The following TOM1 variants were observed in gnomAD, a reference collection of about 807,000 sequenced individuals.
TOM1 encodes target of myb1 membrane trafficking protein.
In TOM1, 38 loss-of-function variants were observed where a neutral mutation model predicts 61.3. The ratio of observed to expected loss-of-function variants is 0.62; its 90% confidence interval spans 0.48 to 0.81. The LOEUF (loss-of-function observed/expected upper bound fraction) is 0.81, where lower values mean the gene tolerates loss of function less well. Among genes scored for constraint, TOM1 ranks in the 40% least tolerant of loss-of-function variants. The pLI is 0.00. For synonymous variants in TOM1, 270 were observed against 268.8 expected (o/e 1.00, Z -0.04); for missense variants, 591 against 659.6 (o/e 0.90, Z 1.14).
chr22:35,299,820 C>A, upstream of TOM1: 1 of 1,319,406 alleles, frequency 7.6e-7, no homozygotes, highest in South Asian at 1.3e-5. Context: ...GTGCCACCGC[C>A]CCGCCCACGC....
intron 9 of TOM1, 102 bp from the exon 10 acceptor site, chr22:35,333,302 G>A: frequency 8.9e-7 from 1 of 1,122,218 alleles, no homozygotes; most frequent in South Asian, 1.3e-5. Flanking sequence ...TGGGGCCCTG[G>A]TGACAGATCC....
rs550204689 is a variant in TOM1, at chr22:35,313,603, C to T, written c.53-4274C>T. On this transcript the variant is annotated intron_variant, in intron 1 of 14. Transcript: ENST00000449058. ...AAACAGAGACTCAGAGGGGCTGGAT[C>T]TTTGCCCACATTCTATGAGTTAGGT... 1.5e-4 allele frequency among the ~76,000 whole-genome samples: 23 copies of T among 152,354 alleles called. No homozygotes were observed. The East Asian group carries it at 4.2e-3, about 28-fold the overall frequency.
intron 1 of TOM1, among the ~76,000 whole-genome samples, chr22:35,306,492 TATTAGTA>T (rs1187056454): frequency 5.3e-5 from 8 of 152,144 alleles, no homozygotes; most frequent in African/African-American, 1.7e-4. Flanking sequence ...GCTGTACACA[TATTAGTA>T]GAGCCCAGGG....
At position 35,323,743 on chromosome 22, in the gene TOM1, A is replaced by G; in HGVS notation, c.502-25A>G. The G allele has an allele frequency of 6.2e-7, 1 of 1,600,346 alleles. No homozygotes were observed. Among genetic ancestry groups the G allele is most frequent in the African/African-American group, 1.3e-5 (1 of 74,796 alleles). On this transcript the variant is annotated intron_variant, in intron 5 of 14. Coordinates refer to ENST00000449058, the MANE Select transcript of TOM1 (RefSeq NM_005488.3). The surrounding 1 kb of genome is among the most constrained non-coding windows in gnomAD (Gnocchi z 4.2). ...GCTCTTGATGTTCCCAGGAGCCCTC[A>G]CTGATCCTGTTTTCCTCCCACTAGA...
rs755837687 is a variant in TOM1 at position 35,323,249 on chromosome 22, G to A, written c.366+72G>A. The A allele has an allele frequency of 5.1e-6, 8 of 1,565,866 alleles. No individual in the cohort carries two copies. Among genetic ancestry groups the A allele is most frequent in the Non-Finnish European group, 6.9e-6 (8 of 1,158,614 alleles). On this transcript the variant is annotated intron_variant, in intron 4 of 14. Transcript: ENST00000449058. This position sits in a 1 kb window ranked among gnomAD's most constrained non-coding sequence, Gnocchi z 4.2. ...GCAGGAGCTTCCTGCCCAGTGGAGA[G>A]TCGAGGCCATCGTGTTTGTCCCAGG... is the stretch of plus-strand genomic sequence containing the variant.
At chr22:35,346,812 G>A (rs1454130239) in intron 13 of TOM1, 118 bp from the exon 14 acceptor site, 1 of 980,778 alleles carries the variant, frequency 1.0e-6, no homozygotes, top group South Asian at 1.5e-5. Context: ...GGCGTGCAGA[G>A]CCTGAGCTGG....
chr22:35,345,071 C>A (rs1047720810), intron 12 of TOM1: 8 of 153,776 alleles, frequency 5.2e-5, no homozygotes, highest in African/African-American at 1.9e-4. Flanking sequence ...AACTCCTGCC[C>A]CTGTGTGGGA....
In TOM1 at chr22:35,333,479, T is replaced by A. The variant is rs1929013221; in HGVS notation, c.1009T>A (p.Ser337Thr). Residue 337 changes from serine to threonine, a missense_variant, in exon 10 of 15, where the codon TCC becomes ACC. Physicochemically the swap from Ser to Thr is moderately conservative, Grantham distance 58. Coordinates refer to ENST00000449058, the MANE Select transcript of TOM1 (RefSeq NM_005488.3). ...CCCAGCAGCCACCGGCAACCTCTCA[T>A]CCCAGCTGGCAGGAATGAGTAAGTG... ...PDPAATGNLS[S>T]QLAGMNLGSS... is the part of the protein sequence containing the mutation. 1 of 1,614,000 alleles carries A rather than the reference T, an allele frequency of 6.2e-7. No homozygotes were observed. Among genetic ancestry groups the A allele is most frequent in the South Asian group, 1.1e-5 (1 of 91,082 alleles).
chr22:35,309,370 G>C (rs573205595), intron 1 of TOM1, among the ~76,000 whole-genome samples: 6 of 152,154 alleles, frequency 3.9e-5, no homozygotes. Context: ...GAGGCCAGGC[G>C]CAGTGGCTCA....
rs755480828 is a variant in TOM1 at position 35,323,100 on chromosome 22, A to T, written c.289A>T (p.Ser97Cys). The part of the protein sequence containing the change: ...VLVASQDFVE[S>C]VLVRTILPKN... ...GGTGGCCAGCCAGGACTTCGTGGAGAGTGTGCTGGTGAGGACCATCCTGCC... is the reference window on the plus strand; with the variant it reads ...GGTGGCCAGCCAGGACTTCGTGGAGTGTGTGCTGGTGAGGACCATCCTGCC... Residue 97 changes from serine to cysteine, a missense_variant, in exon 4 of 15, where the codon AGT (serine) becomes TGT (cysteine). Coordinates refer to ENST00000449058, the MANE Select transcript of TOM1 (RefSeq NM_005488.3). This position sits in a 1 kb window ranked among gnomAD's most constrained non-coding sequence, Gnocchi z 4.2. The T allele has an allele frequency of 1.9e-6, 3 of 1,614,116 alleles. No homozygotes were observed. The highest frequency in any genetic ancestry group is 2.5e-6 in the Non-Finnish European group (3 of 1,180,022).
chr22:35,322,484 A>C (rs1295551843), intron 3 of TOM1: 1 of 190,050 alleles, frequency 5.3e-6, no homozygotes, highest in Non-Finnish European at 1.1e-5. Flanking sequence ...GGGCGGCCAG[A>C]CACACGTGGG....
At chr22:35,339,668 G>A (rs992859876) in intron 12 of TOM1, among the ~76,000 whole-genome samples, 1 of 152,124 alleles carries the variant, frequency 6.6e-6, no homozygotes, top group African/African-American at 2.4e-5. Context: ...ACTTTGGGAG[G>A]CCGAGGCGGG....
intron 2 of TOM1, among the ~76,000 whole-genome samples, chr22:35,320,987 G>GCAAAAAAAAAAAAA (rs1555893929): frequency 1.1e-5 from 1 of 88,914 alleles, no homozygotes; most frequent in Non-Finnish European, 2.4e-5. Flanking sequence ...GTCTCAGAAG[G>GCAAAAAAAAAAAAA]AAAAAAAAAA....
intron 6 of TOM1, among the ~76,000 whole-genome samples, chr22:35,325,562 T>C (rs1252455881): frequency 6.6e-6 from 1 of 152,248 alleles, no homozygotes; most frequent in Non-Finnish European, 1.5e-5. Context: ...TATTTTCATG[T>C]TGAAAATCAG....
chr22:35,323,903 A>G lies in TOM1; in HGVS notation c.637A>G (p.Thr213Ala). 6.4e-7 allele frequency: 1 copy of G among 1,563,148 alleles called. No individual in the cohort carries two copies. The highest frequency in any genetic ancestry group is 1.7e-4 in the Middle Eastern group (1 of 5,822). ...ILSGDTPIAP[T>A]PEQIGKLRSE... is the part of the protein sequence containing the mutation. ...CTCCGGTGACACGCCCATAGCACCA[A>G]CCCCGGAACAGGTAAACGAGCCTGG... The change falls in exon 6 of 15, where the codon ACC becomes GCC. Residue 213 changes from threonine to alanine, a missense_variant. Transcript: ENST00000449058. This position sits in a 1 kb window ranked among gnomAD's most constrained non-coding sequence, Gnocchi z 4.2.
chr22:35,326,753 A>G (rs1467203213), intron 6 of TOM1, among the ~76,000 whole-genome samples: 1 of 149,658 alleles, frequency 6.7e-6, no homozygotes, highest in African/African-American at 2.5e-5. Context: ...GAGGAGAGAG[A>G]CGGCGGGATC....
intron 6 of TOM1, 63 bp from the exon 7 acceptor site, chr22:35,327,208 G>A (rs1343193182): frequency 2.2e-5 from 33 of 1,508,946 alleles, no homozygotes; most frequent in East Asian, 6.8e-5. Context: ...GGGTTCTGTC[G>A]CTGTGAGTAA....
chr22:35,308,522 T>TCCTC (rs1926543993), intron 1 of TOM1, among the ~76,000 whole-genome samples: 1 of 152,036 alleles, frequency 6.6e-6, no homozygotes, highest in Admixed American at 6.6e-5. Context: ...GACCTCGTGA[T>TCCTC]CCTCCCGCCT....
intron 7 of TOM1, among the ~76,000 whole-genome samples, chr22:35,327,780 G>A (rs983716019): frequency 1.3e-5 from 2 of 152,148 alleles, no homozygotes; most frequent in Non-Finnish European, 2.9e-5. Context: ...TTCAGAATCC[G>A]AGACTCAGCA....
Sources: gnomAD v4.1 joint callset for allele counts (sites outside exome capture counted in the v4.1 genomes callset) on GRCh38, gnomAD v4.1.1 for gene constraint, Gnocchi (gnomAD v3.1) non-coding constraint, MANE v1.5 for transcripts, NCBI Gene and HGNC (gene_info 2026-07-23, HGNC 2026-07-21) for gene names.